The following MSR1 variants were observed in gnomAD, a reference collection of about 807,000 sequenced individuals.
MSR1 encodes the protein macrophage scavenger receptor types I and II.
MSR1 carries 53 observed loss-of-function variants against 47.2 expected under a neutral mutation model. The ratio of observed to expected loss-of-function variants is 1.12; its 90% CI spans 0.90 to 1.41. MSR1 has a LOEUF of 1.41. MSR1 is among the 40% of genes most tolerant of loss of function. The probability of loss-of-function intolerance (pLI) is 0.00; values close to 1 mark genes in which losing one functional copy is unlikely to be tolerated. For missense variants in MSR1, 786 were observed against 546.9 expected, an observed-to-expected ratio of 1.44 and a Z score of -4.36; for synonymous variants, 239 against 185.6, an observed-to-expected ratio of 1.29 and a Z score of -2.34.
chr8:16,108,876 T>C lies in MSR1; in HGVS notation c.*1209A>G. 1 of 152,132 alleles carries C rather than the reference T, an allele frequency of 6.6e-6. No individual in the cohort carries two copies. The highest frequency in any genetic ancestry group is 1.5e-5 in the Non-Finnish European group (1 of 68,004). The allele number at this position is 152,132 out of a possible 1,614,324, so 9.4% of individuals were successfully genotyped here. On this transcript the variant is annotated 3_prime_UTR_variant, in exon 10 of 10. Transcript: ENST00000262101. ...TTTGCCACTATTAAAGAAAGAACAG[T>C]AGAGTAATTCCATAATAGTACTAGT...
chr8:16,175,439 C>T (rs1462447832), intron 2 of MSR1, 139 bp from the exon 3 acceptor site: 2 of 760,538 alleles, frequency 2.6e-6, no homozygotes, highest in South Asian at 1.7e-5. Context: ...CACATCTTTG[C>T]AGTAGAAAGC....
chr8:16,140,767 G>C (rs1800534482), intron 8 of MSR1: 1 of 1,444,068 alleles, frequency 6.9e-7, no homozygotes, highest in African/African-American at 1.4e-5. Context: ...AGGGGAGAGA[G>C]GTGATGGTGG....
intron 1 of MSR1, among the ~76,000 whole-genome samples, chr8:16,191,394 A>G (rs1802195885): frequency 6.6e-6 from 1 of 152,320 alleles, no homozygotes. Context: ...AACTTTCTTT[A>G]GATATGTAAA....
At position 16,178,896 on chromosome 8, in the gene MSR1, T is replaced by C. The variant is rs1378813871; in HGVS notation, c.-4-904A>G. 3.3e-5 allele frequency among the ~76,000 whole-genome samples: 5 copies of C among 152,166 alleles called. No individual in the cohort carries two copies. In the East Asian group the frequency reaches 5.8e-4, roughly 18 times the overall value. On this transcript the variant is annotated intron_variant, in intron 1 of 9. Transcript: ENST00000262101. ...AAAAAAAAATGAAACGGAATCTATA[T>C]TCTATGACACAATCTGTAATAAATA...
chr8:16,154,654 A>G (rs1388713580), intron 6 of MSR1, among the ~76,000 whole-genome samples: 1 of 152,014 alleles, frequency 6.6e-6, no homozygotes, highest in Non-Finnish European at 1.5e-5. Context: ...AAAATGAGAT[A>G]GCTTGCAAAT....
intron 8 of MSR1, among the ~76,000 whole-genome samples, chr8:16,132,551 G>C (rs1456268147): frequency 6.6e-6 from 1 of 152,012 alleles, no homozygotes; most frequent in Non-Finnish European, 1.5e-5. Flanking sequence ...GCAGTGGCAT[G>C]ATCTTGGCTC....
intron 8 of MSR1, among the ~76,000 whole-genome samples, chr8:16,125,938 A>T (rs1800118632): frequency 6.6e-6 from 1 of 152,114 alleles, no homozygotes; most frequent in Non-Finnish European, 1.5e-5. Flanking sequence ...AGCCAAAATT[A>T]TATCTCTTAA....
At chr8:16,175,331 T>C in intron 2 of MSR1, 31 bp from the exon 3 acceptor site, 1 of 1,527,232 alleles carries the variant, frequency 6.5e-7, no homozygotes, top group Non-Finnish European at 9.1e-7. Flanking sequence ...AGCCTACTGT[T>C]AGAAAGTGTT....
intron 9 of MSR1, among the ~76,000 whole-genome samples, chr8:16,114,876 G>A (rs578062363): frequency 6.6e-6 from 1 of 152,070 alleles, no homozygotes; most frequent in Non-Finnish European, 1.5e-5. Flanking sequence ...TAAAAAGAGG[G>A]TTCATTTAAA....
intron 5 of MSR1, 28 bp from the exon 6 acceptor site, chr8:16,155,172 T>C: frequency 3.8e-6 from 6 of 1,562,626 alleles, no homozygotes; most frequent in Non-Finnish European, 5.3e-6. Context: ...TTACTGATCA[T>C]AGTTGTAAAG....
chr8:16,191,960 T>C (rs1802211460), intron 1 of MSR1, among the ~76,000 whole-genome samples: 2 of 152,208 alleles, frequency 1.3e-5, no homozygotes, highest in East Asian at 3.8e-4. Flanking sequence ...AGCATTTTCA[T>C]ACTACTTAAG....
At chr8:16,140,384 T>TA in intron 8 of MSR1, 1 of 985,592 alleles carries the variant, frequency 1.0e-6, no homozygotes, top group East Asian at 1.1e-4. Flanking sequence ...GATTCCTCAG[T>TA]AAAAATCAAA....
intron 4 of MSR1, 102 bp downstream of exon 4, chr8:16,168,356 T>C (rs1801377090): frequency 2.6e-6 from 3 of 1,155,266 alleles, no homozygotes; most frequent in East Asian, 2.4e-5. Flanking sequence ...AACAGGATGA[T>C]GAAACAGGGT....
At chr8:16,151,375 A>T (rs80263977) in intron 6 of MSR1, among the ~76,000 whole-genome samples, 11,641 of 152,220 alleles carry the variant, frequency 0.076, 616 homozygotes, top group Admixed American at 0.18. Context: ...CATATGAGAT[A>T]CTTTCATAGA....
At chr8:16,173,859 C>G (rs923796359) in intron 3 of MSR1, among the ~76,000 whole-genome samples, 1 of 152,118 alleles carries the variant, frequency 6.6e-6, no homozygotes, top group African/African-American at 2.4e-5. Context: ...CCATGTTAGC[C>G]AGGATGGTCT....
chr8:16,152,388 A>T (rs1585165447), intron 6 of MSR1, among the ~76,000 whole-genome samples: 1 of 152,104 alleles, frequency 6.6e-6, no homozygotes, highest in Non-Finnish European at 1.5e-5. Context: ...CAGGGTAAAG[A>T]TATACGTGGA....
At chr8:16,152,108 G>A (rs1053029471) in intron 6 of MSR1, among the ~76,000 whole-genome samples, 1 of 151,916 alleles carries the variant, frequency 6.6e-6, no homozygotes, top group African/African-American at 2.4e-5. Context: ...CTCCTCCTCA[G>A]TAATACAATC....
At chr8:16,145,047 A>C (rs1044851275) in intron 7 of MSR1, among the ~76,000 whole-genome samples, 1 of 152,124 alleles carries the variant, frequency 6.6e-6, no homozygotes, top group African/African-American at 2.4e-5. Context: ...CAGTAGCATG[A>C]GACTTGAGGC....
intron 8 of MSR1, among the ~76,000 whole-genome samples, chr8:16,123,523 C>CTT (rs33939924): frequency 6.7e-6 from 1 of 148,756 alleles, no homozygotes; most frequent in Non-Finnish European, 1.5e-5. Flanking sequence ...TCAGATAGGG[C>CTT]TTTTTTTTTT....
Sources: allele counts gnomAD v4.1 joint callset (sites outside exome capture counted in the v4.1 genomes callset), GRCh38; gene constraint gnomAD v4.1.1; transcripts MANE v1.5; gene names NCBI Gene and HGNC (gene_info 2026-07-23, HGNC 2026-07-21).